The following SLF1 variants were observed in gnomAD, a reference collection of about 807,000 sequenced individuals.
SLF1 encodes SMC5-SMC6 complex localization factor protein 1.
Under a neutral mutation model 123.0 loss-of-function variants are expected in SLF1, and 105 were observed. The ratio of observed to expected loss-of-function variants is 0.85; its 90% CI spans 0.73 to 1.00. The LOEUF is 1.00. Ranked by LOEUF, SLF1 falls within the 50% of genes least tolerant of loss-of-function variation. SLF1 has a pLI of 0.00. For missense variants in SLF1, 1,239 were observed against 1,223.0 expected (o/e 1.01, Z -0.20); for synonymous variants, 434 against 406.6 (o/e 1.07, Z -0.81).
chr5:94,670,760 A>AT lies in SLF1; in HGVS notation c.1662-75dup, dbSNP rs200092815. The AT allele has an allele frequency of 1.9e-4, 190 of 999,538 alleles. No individual in the cohort carries two copies. In the East Asian group the frequency reaches 2.8e-3, roughly 15 times the overall value. The allele number at this position is 999,538 out of a possible 1,614,324, so 61.9% of individuals were successfully genotyped here. On this transcript the variant is annotated intron_variant, in intron 13 of 20. Coordinates refer to ENST00000265140, the MANE Select transcript of SLF1 (RefSeq NM_032290.4). ...TGATCTATGTTCAAAAATTGCTAGC[A>AT]TTTTTTTTGACAGGAGAGATGTCAA... is the stretch of plus-strand genomic sequence containing the variant.
Position 94,678,950 on chromosome 5 carries a change from G to A in SLF1, c.1970G>A (p.Cys657Tyr). 1 of 1,612,548 alleles carries A rather than the reference G, an allele frequency of 6.2e-7. No individual in the cohort carries two copies. The highest frequency in any genetic ancestry group is 1.3e-5 in the African/African-American group (1 of 74,982). The change falls in exon 15 of 21, where the codon TGT becomes TAT. Residue 657 changes from cysteine to tyrosine, a missense_variant. By Grantham distance (194) the Cys-to-Tyr change is radical. Coordinates refer to ENST00000265140, the MANE Select transcript of SLF1 (RefSeq NM_032290.4). ...DDLGSYVSLSCDDFSSQELEI... is the reference protein window; with the variant it reads ...DDLGSYVSLSYDDFSSQELEI... ...TTAGGAAGTTATGTTTCTCTTTCGTGTGATGGTAAGTTTGTCTATGTTCTG... is the reference window on the plus strand; with the variant it reads ...TTAGGAAGTTATGTTTCTCTTTCGTATGATGGTAAGTTTGTCTATGTTCTG...
Position 94,695,441 on chromosome 5 carries a change from AT to A in SLF1, c.*133del. On this transcript the variant is annotated 3_prime_UTR_variant, in exon 21 of 21. Transcript: ENST00000265140. Reference sequence around the variant, plus strand: ...TTGACAGACTTTGCAGCCTTGCTAAATTTTAAAAGCATTTTTAAAAAAACTT... The same window carrying A: ...TTGACAGACTTTGCAGCCTTGCTAAATTTAAAAGCATTTTTAAAAAAACTT... The A allele has an allele frequency of 8.6e-7, 1 of 1,158,808 alleles. No individual in the cohort carries two copies. Among genetic ancestry groups the A allele is most frequent in the Non-Finnish European group, 1.1e-6 (1 of 881,958 alleles). The allele number at this position is 1,158,808 out of a possible 1,614,324, so 71.8% of individuals were successfully genotyped here. A position where few individuals can be genotyped will look rare whatever the true frequency, so the allele number is the denominator to read the frequency against.
At chr5:94,674,547 T>G (rs1750828941) in intron 14 of SLF1, among the ~76,000 whole-genome samples, 1 of 152,230 alleles carries the variant, frequency 6.6e-6, no homozygotes. Context: ...TTTGGCAGTT[T>G]CCAGTTTCAA....
At position 94,663,890 on chromosome 5, in the gene SLF1, T is replaced by G. The variant is rs1225832246; in HGVS notation, c.1350T>G (p.Leu450=). 7.8e-6 allele frequency: 12 copies of G among 1,536,064 alleles called. No homozygotes were observed. The highest frequency in any genetic ancestry group is 1.1e-5 in the Non-Finnish European group (12 of 1,142,414). Residue 450 remains leucine (L), a synonymous_variant, in exon 11 of 21, where the codon CTT becomes CTG. Coordinates refer to ENST00000265140, the MANE Select transcript of SLF1 (RefSeq NM_032290.4). ...CTCCTGTATGCGTTCTTCATGCCCT[T>G]CTAGAGAACGTTCTACAGGTAAGAG... The part of the protein sequence containing the change: ...YIPPVCVLHA[L]LENVLQDNID...
Position 94,691,676 on chromosome 5 carries a change from G to C in SLF1, c.2512+20G>C. 6.4e-7 allele frequency: 1 copy of C among 1,554,940 alleles called. No individual in the cohort carries two copies. Among genetic ancestry groups the C allele is most frequent in the Non-Finnish European group, 8.8e-7 (1 of 1,139,808 alleles). On this transcript the variant is annotated intron_variant, in intron 19 of 20. Coordinates refer to ENST00000265140, the MANE Select transcript of SLF1 (RefSeq NM_032290.4). The stretch of plus-strand genomic sequence containing the variant: ...TTAAAGGTAAGTTTTAAATCTTTGT[G>C]GTCTAGTCCAATGTCTTAATATTTG...
chr5:94,623,810 C>A (rs1335375319), intron 1 of SLF1, among the ~76,000 whole-genome samples: 3 of 152,020 alleles, frequency 2.0e-5, no homozygotes, highest in Non-Finnish European at 4.4e-5. Flanking sequence ...TATTCTTAAT[C>A]CTGCAGGGTC....
At chr5:94,625,387 A>G (rs1164012416) in intron 1 of SLF1, among the ~76,000 whole-genome samples, 1 of 151,228 alleles carries the variant, frequency 6.6e-6, no homozygotes, top group Non-Finnish European at 1.5e-5. Flanking sequence ...AATTTTATTT[A>G]TTTATTTATT....
chr5:94,687,934 T>A (rs1002495733), intron 16 of SLF1, among the ~76,000 whole-genome samples: 2 of 151,344 alleles, frequency 1.3e-5, no homozygotes, highest in African/African-American at 2.4e-5. Context: ...CAGTTTTATT[T>A]TGGCTATCTT....
At chr5:94,655,462 G>T (rs1231615774) in intron 9 of SLF1, among the ~76,000 whole-genome samples, 1 of 152,064 alleles carries the variant, frequency 6.6e-6, no homozygotes, top group Non-Finnish European at 1.5e-5. Context: ...CAAATTTTAG[G>T]ATTGTTTTTC....
chr5:94,625,252 G>T (rs902574889), intron 1 of SLF1, among the ~76,000 whole-genome samples: 3 of 151,738 alleles, frequency 2.0e-5, no homozygotes, highest in African/African-American at 7.3e-5. Context: ...GATAACAGTG[G>T]TTTTTGATAA....
At chr5:94,628,604 G>C (rs919920511) in intron 1 of SLF1, among the ~76,000 whole-genome samples, 12 of 152,132 alleles carry the variant, frequency 7.9e-5, no homozygotes, top group Admixed American at 7.2e-4. Flanking sequence ...CCTCACTTAA[G>C]GCCACATTTT....
intron 16 of SLF1, among the ~76,000 whole-genome samples, chr5:94,687,981 T>A (rs1752633669): frequency 6.7e-6 from 1 of 150,172 alleles, no homozygotes. Flanking sequence ...TTTATTATTA[T>A]TAATAAGGCA....
rs1747761069 is a variant in SLF1 at position 94,651,861 on chromosome 5, T to C, written c.882+16T>C. 1 of 1,278,290 alleles carries C rather than the reference T, an allele frequency of 7.8e-7. No homozygotes were observed. The highest frequency in any genetic ancestry group is 1.0e-6 in the Non-Finnish European group (1 of 958,602). The allele number at this position is 1,278,290 out of a possible 1,614,324, so 79.2% of individuals were successfully genotyped here. A position where few individuals can be genotyped will look rare whatever the true frequency, so the allele number is the denominator to read the frequency against. On this transcript the variant is annotated intron_variant, in intron 7 of 20. Coordinates refer to ENST00000265140, the MANE Select transcript of SLF1 (RefSeq NM_032290.4). ...TGAAAATCAGGTACAACTTTCCAAA[T>C]TAAAAATAATTTATTTTTAATATAT... is the stretch of plus-strand genomic sequence containing the variant.
At chr5:94,628,789 T>C in intron 1 of SLF1, 22 bp from the exon 2 acceptor site, 1 of 1,452,730 alleles carries the variant, frequency 6.9e-7, no homozygotes, top group Non-Finnish European at 9.3e-7. Context: ...CACATTATCT[T>C]CTGTATGTTT....
chr5:94,691,616 T>C lies in SLF1; in HGVS notation c.2472T>C (p.Ile824=). 1.2e-6 allele frequency: 2 copies of C among 1,611,838 alleles called. No individual in the cohort carries two copies. The highest frequency in any genetic ancestry group is 8.5e-7 in the Non-Finnish European group (1 of 1,179,438). The change falls in exon 19 of 21, where the codon ATT becomes ATC. Residue 824 remains isoleucine (I), a synonymous_variant. Transcript: ENST00000265140. ...ACINNQVEKL[I]LLLSLPGIDI... is the part of the protein sequence containing the mutation. ...TAAATAACCAAGTGGAGAAATTGAT[T>C]CTTCTTCTCTCTTTGCCAGGAATAG... is the stretch of plus-strand genomic sequence containing the variant.
At chr5:94,650,853 T>C (rs1747629967) in intron 6 of SLF1, among the ~76,000 whole-genome samples, 1 of 152,178 alleles carries the variant, frequency 6.6e-6, no homozygotes, top group African/African-American at 2.4e-5. Context: ...CCACAGTGTA[T>C]AGCATTTTTA....
At chr5:94,644,797 G>A (rs1746827235) in intron 5 of SLF1, among the ~76,000 whole-genome samples, 1 of 152,092 alleles carries the variant, frequency 6.6e-6, no homozygotes, top group Non-Finnish European at 1.5e-5. Context: ...TTGATTATTT[G>A]GTTAATGTCT....
chr5:94,639,037 C>CTTTTTTTTTTTTTTT (rs764031689), intron 4 of SLF1, among the ~76,000 whole-genome samples: 10 of 88,956 alleles, frequency 1.1e-4, no homozygotes, highest in Non-Finnish European at 1.5e-4. Flanking sequence ...CTTTTCTTCC[C>CTTTTTTTTTTTTTTT]TTTTTTTTTT....
rs151088572 is a variant in SLF1, at chr5:94,663,940, T to C, written c.1368+32T>C. ...GCAGCCTTAAGGATTTATAATCTTT[T>C]TTTCAAAGAATGTTAAAATGTGAAC... On this transcript the variant is annotated intron_variant, in intron 11 of 20. Transcript: ENST00000265140. 8 of 1,447,772 alleles carry C rather than the reference T, an allele frequency of 5.5e-6. No homozygotes were observed. The African/African-American group carries it at 1.2e-4, about 21-fold the overall frequency. 89.7% of individuals were successfully genotyped at this position (1,447,772 alleles called of 1,614,324 possible). A position where few individuals can be genotyped will look rare whatever the true frequency, so the allele number is the denominator to read the frequency against.
Sources: allele counts gnomAD v4.1 joint callset (sites outside exome capture counted in the v4.1 genomes callset), GRCh38; gene constraint gnomAD v4.1.1; transcripts MANE v1.5; gene names NCBI Gene and HGNC (gene_info 2026-07-23, HGNC 2026-07-21).